The following ATRNL1 variants were observed in gnomAD, a reference collection of about 807,000 sequenced individuals.
The protein encoded by ATRNL1 is attractin-like protein 1.
Under a neutral mutation model 182.7 loss-of-function variants are expected in ATRNL1, and 95 were observed. That is an observed-to-expected ratio of 0.52 (90% CI 0.44 to 0.62). The LOEUF is 0.62. Among genes scored for constraint, ATRNL1 ranks in the 20% least tolerant of loss-of-function variants. ATRNL1 has a pLI of 0.00. For synonymous variants in ATRNL1, 576 were observed against 568.3 expected (o/e 1.01, Z -0.19); for missense variants, 1,471 against 1,679.5 (o/e 0.88, Z 2.17).
At chr10:115,671,566 T>C (rs1945698426) in intron 26 of ATRNL1, among the ~76,000 whole-genome samples, 1 of 152,146 alleles carries the variant, frequency 6.6e-6, no homozygotes, top group Non-Finnish European at 1.5e-5. Context: ...AGTATCTACA[T>C]TTCTCCTGAA....
At chr10:115,539,445 GAGA>G (rs1192471269) in intron 25 of ATRNL1, among the ~76,000 whole-genome samples, 2 of 152,210 alleles carry the variant, frequency 1.3e-5, no homozygotes, top group African/African-American at 2.4e-5. Flanking sequence ...AGGCAGAGCA[GAGA>G]AGAACACCAG....
chr10:115,150,239 T>G lies in ATRNL1; in HGVS notation c.830-9801T>G, dbSNP rs182139400. The stretch of plus-strand genomic sequence containing the variant: ...GTTGATTTGGGTTTTCTAATTTTTT[T>G]TTGTTGTTGTTGCTTAATCTAGCAA... On this transcript the variant is annotated intron_variant, in intron 5 of 28. Coordinates refer to ENST00000355044, the MANE Select transcript of ATRNL1 (RefSeq NM_207303.4). Among the ~76,000 whole-genome samples, 76 of 152,184 alleles carry G rather than the reference T, an allele frequency of 5.0e-4. No individual in the cohort carries two copies. The East Asian group carries it at 7.9e-3, about 16-fold the overall frequency.
At chr10:115,837,031 A>G (rs1168921276) in intron 27 of ATRNL1, among the ~76,000 whole-genome samples, 3 of 152,132 alleles carry the variant, frequency 2.0e-5, no homozygotes, top group Admixed American at 2.0e-4. Context: ...AAGGATCATT[A>G]CCCAGACTCT....
chr10:115,753,257 T>C (rs538838828), intron 27 of ATRNL1, among the ~76,000 whole-genome samples: 6 of 152,202 alleles, frequency 3.9e-5, no homozygotes, highest in East Asian at 3.9e-4. Flanking sequence ...ACATGTGCCA[T>C]AGTGGTTTGC....
intron 9 of ATRNL1, among the ~76,000 whole-genome samples, chr10:115,218,856 T>G (rs1554896779): frequency 6.6e-6 from 1 of 152,180 alleles, no homozygotes; most frequent in Non-Finnish European, 1.5e-5. Flanking sequence ...ACTGTTTTTC[T>G]AAAAGAAATC....
intron 27 of ATRNL1, among the ~76,000 whole-genome samples, chr10:115,731,245 T>G (rs1555062676): frequency 6.6e-6 from 1 of 152,176 alleles, no homozygotes; most frequent in East Asian, 1.9e-4. Context: ...GCTGCTTTCC[T>G]GCCCCACAGC....
chr10:115,536,443 C>A (rs182375926), intron 25 of ATRNL1, among the ~76,000 whole-genome samples: 2 of 152,192 alleles, frequency 1.3e-5, no homozygotes, highest in African/African-American at 4.8e-5. Flanking sequence ...TCCTGGTGCG[C>A]CATTTTTTAA....
chr10:115,610,618 G>A (rs1380133722), intron 26 of ATRNL1, among the ~76,000 whole-genome samples: 1 of 151,804 alleles, frequency 6.6e-6, no homozygotes, highest in Non-Finnish European at 1.5e-5. Flanking sequence ...AATGTCTTTT[G>A]AGCCCAATTT....
intron 5 of ATRNL1, among the ~76,000 whole-genome samples, chr10:115,144,171 G>A (rs1166882433): frequency 6.6e-6 from 1 of 150,560 alleles, no homozygotes; most frequent in Non-Finnish European, 1.5e-5. Context: ...TTTTTGAGAC[G>A]GAGTCTCATG....
At chr10:115,911,654 A>G (rs1248676971) in intron 28 of ATRNL1, among the ~76,000 whole-genome samples, 3 of 152,174 alleles carry the variant, frequency 2.0e-5, no homozygotes, top group Non-Finnish European at 4.4e-5. Flanking sequence ...GCCCGATTTC[A>G]TCAGTTGAGG....
intron 13 of ATRNL1, among the ~76,000 whole-genome samples, chr10:115,280,473 C>A (rs1443952005): frequency 6.6e-6 from 1 of 152,158 alleles, no homozygotes; most frequent in African/African-American, 2.4e-5. Context: ...GGAAAGCTTT[C>A]ATGTCTAGGA....
chr10:115,297,934 T>C (rs557450276), intron 15 of ATRNL1, among the ~76,000 whole-genome samples: 56 of 152,148 alleles, frequency 3.7e-4, no homozygotes, highest in Non-Finnish European at 6.0e-4. Flanking sequence ...ATGATTGAAC[T>C]AATAATTATT....
intron 26 of ATRNL1, among the ~76,000 whole-genome samples, chr10:115,551,844 G>A: frequency 6.6e-6 from 1 of 151,346 alleles, no homozygotes; most frequent in Non-Finnish European, 1.5e-5. Flanking sequence ...GTTAGTCAAA[G>A]ACAATTGCAG....
chr10:115,825,096 T>C (rs1290963544), intron 27 of ATRNL1, among the ~76,000 whole-genome samples: 1 of 152,168 alleles, frequency 6.6e-6, no homozygotes, highest in Non-Finnish European at 1.5e-5. Flanking sequence ...TGCAGGGACA[T>C]GGATGAAGCT....
At chr10:115,692,990 A>G (rs1219134464) in intron 26 of ATRNL1, among the ~76,000 whole-genome samples, 1 of 152,128 alleles carries the variant, frequency 6.6e-6, no homozygotes, top group African/African-American at 2.4e-5. Flanking sequence ...ATATTCTTAA[A>G]AAGGCACTGA....
intron 19 of ATRNL1, among the ~76,000 whole-genome samples, chr10:115,391,526 G>C (rs1844016887): frequency 6.6e-6 from 1 of 152,094 alleles, no homozygotes; most frequent in African/African-American, 2.4e-5. Flanking sequence ...ATTCTTCCTT[G>C]ACTTAGGGGT....
intron 27 of ATRNL1, among the ~76,000 whole-genome samples, chr10:115,736,942 A>G (rs1214092757): frequency 6.6e-5 from 10 of 151,398 alleles, no homozygotes; most frequent in Non-Finnish European, 1.3e-4. Context: ...TAATTTTTGT[A>G]TTTTCAAACT....
At chr10:115,273,912 C>T (rs782593920) in intron 13 of ATRNL1, among the ~76,000 whole-genome samples, 6 of 152,128 alleles carry the variant, frequency 3.9e-5, no homozygotes, top group Admixed American at 6.5e-5. Context: ...GCTGTGCATA[C>T]CCAACCTCAT....
chr10:115,276,068 A>G (rs2133910421), intron 13 of ATRNL1, among the ~76,000 whole-genome samples: 3 of 152,232 alleles, frequency 2.0e-5, no homozygotes, highest in Admixed American at 2.0e-4. Context: ...GAGGCTGGGA[A>G]GTCCAAGATC....
Sources: allele counts gnomAD v4.1 joint callset (sites outside exome capture counted in the v4.1 genomes callset), GRCh38; gene constraint gnomAD v4.1.1; transcripts MANE v1.5; gene names NCBI Gene and HGNC (gene_info 2026-07-23, HGNC 2026-07-21).